MPDZ: variants seen among roughly 807,000 people sequenced by gnomAD.
The protein encoded by MPDZ is multiple PDZ domain protein.
Under a neutral mutation model 239.1 loss-of-function variants are expected in MPDZ, and 234 were observed. That is an observed-to-expected ratio of 0.98 (90% confidence interval 0.88 to 1.09). The LOEUF (loss-of-function observed/expected upper bound fraction) is 1.09, where lower values mean the gene tolerates loss of function less well. MPDZ is among the 50% of genes least tolerant of loss of function. MPDZ has a pLI of 0.00. For synonymous variants in MPDZ, 1,048 were observed against 881.3 expected, an observed-to-expected ratio of 1.19 and a Z score of -3.35; for missense variants, 3,175 against 2,510.0, an observed-to-expected ratio of 1.26 and a Z score of -5.66.
chr9:13,194,771 G>A (rs1055388390), intron 13 of MPDZ, among the ~76,000 whole-genome samples: 3 of 151,882 alleles, frequency 2.0e-5, no homozygotes, highest in African/African-American at 4.8e-5. Flanking sequence ...CTAGTCAAAG[G>A]GTCTCCTTCA....
intron 3 of MPDZ, among the ~76,000 whole-genome samples, chr9:13,230,312 T>C (rs1327596948): frequency 6.6e-6 from 1 of 152,132 alleles, no homozygotes; most frequent in Non-Finnish European, 1.5e-5. Flanking sequence ...ATATTTATTG[T>C]ACAGAAATAA....
In MPDZ at chr9:13,176,274, T is replaced by C; in HGVS notation, c.2793A>G (p.Ile931Met). 6.2e-7 allele frequency: 1 copy of C among 1,610,342 alleles called. No homozygotes were observed. Among genetic ancestry groups the C allele is most frequent in the Non-Finnish European group, 8.5e-7 (1 of 1,178,052 alleles). The change falls in exon 20 of 47, where the codon ATA becomes ATG. Residue 931 changes from isoleucine (I) to methionine (M), a missense_variant. Coordinates refer to ENST00000319217, the MANE Select transcript of MPDZ (RefSeq NM_001378778.1). Reference protein sequence around the residue: ...ISMGPASGFTINDYTPANAIE... With the variant: ...ISMGPASGFTMNDYTPANAIE... ...TAGCATTTGCAGGTGTGTAGTCATTTATAGTAAAGCCAGAAGCAGGCCCCA... is the reference window on the plus strand; with the variant it reads ...TAGCATTTGCAGGTGTGTAGTCATTCATAGTAAAGCCAGAAGCAGGCCCCA...
At position 13,106,209 on chromosome 9, in the gene MPDZ, C is replaced by G. The variant is rs1395431403; in HGVS notation, c.*756G>C. The G allele has an allele frequency of 1.3e-5, 2 of 152,106 alleles. No homozygotes were observed. 9.4% of individuals were successfully genotyped at this position (152,106 alleles called of 1,614,324 possible). On this transcript the variant is annotated 3_prime_UTR_variant, in exon 47 of 47. Transcript: ENST00000319217. ...TGCTTTCTAGAAAAACCATAGTCAA[C>G]ATGGGGTGGCATCATCATTTACTTA...
chr9:13,122,314 CAAGGG>C (rs1944471599), intron 36 of MPDZ, 144 bp from the exon 37 acceptor site: 13 of 700,410 alleles, frequency 1.9e-5, no homozygotes, highest in Admixed American at 3.0e-5. Context: ...CCATATAATT[CAAGGG>C]AAAGTGTAAC....
chr9:13,154,660 G>A (rs1240163020), intron 24 of MPDZ, among the ~76,000 whole-genome samples: 4 of 152,226 alleles, frequency 2.6e-5, no homozygotes, highest in African/African-American at 9.6e-5. Context: ...TAGTTATGAT[G>A]GTGGTGGTTG....
intron 21 of MPDZ, among the ~76,000 whole-genome samples, chr9:13,173,514 G>C (rs1587503605): frequency 6.6e-6 from 1 of 151,636 alleles, no homozygotes; most frequent in East Asian, 1.9e-4. Context: ...ACCAACCTGG[G>C]CAACATGGTG....
At position 13,217,227 on chromosome 9, in the gene MPDZ, T is replaced by G. The variant is rs41265294; in HGVS notation, c.1154A>C (p.Gln385Pro). The G allele has an allele frequency of 6.2e-7, 1 of 1,604,330 alleles. No individual in the cohort carries two copies. Among genetic ancestry groups the G allele is most frequent in the Non-Finnish European group, 8.5e-7 (1 of 1,175,454 alleles). ...TFDVELTKNV[Q>P]GLGITIAGYI... ...GCCAGCAATGGTAATTCCTAATCCTTGGACATTTTTAGTGAGTTCTACATC... is the reference window on the plus strand; with the variant it reads ...GCCAGCAATGGTAATTCCTAATCCTGGGACATTTTTAGTGAGTTCTACATC... The change falls in exon 9 of 47, where the codon CAA becomes CCA. Residue 385 changes from glutamine to proline, a missense_variant. Physicochemically the swap from Gln to Pro is moderately conservative, Grantham distance 76. Coordinates refer to ENST00000319217, the MANE Select transcript of MPDZ (RefSeq NM_001378778.1).
chr9:13,192,346 T>A, intron 14 of MPDZ, 51 bp from the exon 15 acceptor site: 2 of 1,476,544 alleles, frequency 1.4e-6, no homozygotes, highest in Non-Finnish European at 1.8e-6. Flanking sequence ...AATATGAACA[T>A]TCTTTTGAAC....
chr9:13,261,747 A>G (rs1330132), intron 1 of MPDZ, among the ~76,000 whole-genome samples: 147,332 of 152,040 alleles, frequency 0.97, 71,528 homozygotes, highest in East Asian at 1. Context: ...AACAAAGGTA[A>G]CTGACAGAGT....
intron 26 of MPDZ, among the ~76,000 whole-genome samples, chr9:13,143,852 C>G (rs1055745734): frequency 2.0e-5 from 3 of 152,096 alleles, no homozygotes; most frequent in African/African-American, 7.2e-5. Flanking sequence ...GTATTACTAA[C>G]AGAGGCACAT....
intron 1 of MPDZ, among the ~76,000 whole-genome samples, chr9:13,259,721 AG>A (rs1481104686): frequency 6.6e-6 from 1 of 152,038 alleles, no homozygotes; most frequent in Non-Finnish European, 1.5e-5. Context: ...TTTCTTATAT[AG>A]TAACCTGGAT....
chr9:13,216,972 T>C (rs1327526427), intron 9 of MPDZ, 110 bp from the exon 10 acceptor site: 6 of 854,782 alleles, frequency 7.0e-6, no homozygotes, highest in Middle Eastern at 2.7e-4. Context: ...ACGTATCATC[T>C]AGTAGAAACA....
intron 13 of MPDZ, among the ~76,000 whole-genome samples, chr9:13,194,891 G>A (rs1213581186): frequency 1.3e-5 from 2 of 151,958 alleles, no homozygotes; most frequent in Non-Finnish European, 1.5e-5. Flanking sequence ...CCACTGTTAA[G>A]ATGGACCTTA....
At chr9:13,236,032 G>A (rs997540007) in intron 3 of MPDZ, among the ~76,000 whole-genome samples, 2 of 151,492 alleles carry the variant, frequency 1.3e-5, no homozygotes, top group East Asian at 3.9e-4. Context: ...GACTTAAGTG[G>A]ATGAATGAGG....
intron 1 of MPDZ, among the ~76,000 whole-genome samples, chr9:13,264,213 T>C (rs1400865498): frequency 6.6e-6 from 1 of 152,204 alleles, no homozygotes; most frequent in African/African-American, 2.4e-5. Context: ...GTTATTTTTA[T>C]TTTTAAGATG....
chr9:13,198,330 G>C (rs534330790), intron 12 of MPDZ, among the ~76,000 whole-genome samples: 2 of 152,152 alleles, frequency 1.3e-5, no homozygotes, highest in South Asian at 2.1e-4. Flanking sequence ...GTTTTGACTT[G>C]CATTTCTCTG....
At chr9:13,182,144 T>C (rs1031162317) in intron 19 of MPDZ, among the ~76,000 whole-genome samples, 3 of 152,196 alleles carry the variant, frequency 2.0e-5, no homozygotes, top group Non-Finnish European at 4.4e-5. Context: ...ACGGAAATTC[T>C]ACTTTCCAAC....
intron 22 of MPDZ, among the ~76,000 whole-genome samples, chr9:13,166,031 T>C (rs948551258): frequency 2.0e-5 from 3 of 152,050 alleles, no homozygotes; most frequent in Non-Finnish European, 4.4e-5. Context: ...CTAAAACCAA[T>C]CAGTTATGTA....
chr9:13,265,507 T>A (rs1971586185), intron 1 of MPDZ, among the ~76,000 whole-genome samples: 1 of 152,144 alleles, frequency 6.6e-6, no homozygotes, highest in African/African-American at 2.4e-5. Flanking sequence ...AGGCAGAGGC[T>A]GCGGTAAGCC....
Sources: gnomAD v4.1 joint callset for allele counts (sites outside exome capture counted in the v4.1 genomes callset) on GRCh38, gnomAD v4.1.1 for gene constraint, MANE v1.5 for transcripts, NCBI Gene and HGNC (gene_info 2026-07-23, HGNC 2026-07-21) for gene names.